SESTD1: variants seen among roughly 807,000 people sequenced by gnomAD.
SESTD1 encodes the protein SEC14 and spectrin domain containing 1.
A neutral mutation model predicts 101.7 loss-of-function variants in SESTD1; 43 were observed. That is an observed-to-expected ratio of 0.42 (90% CI 0.33 to 0.55). The LOEUF is 0.55. SESTD1 is among the 20% of genes least tolerant of loss of function. The probability of loss-of-function intolerance (pLI) is 0.07; values close to 1 mark genes in which losing one functional copy is unlikely to be tolerated. For missense variants in SESTD1, 647 were observed against 815.1 expected (o/e 0.79, Z 2.51); for synonymous variants, 283 against 286.8 (o/e 0.99, Z 0.13).
intron 5 of SESTD1, among the ~76,000 whole-genome samples, chr2:179,161,620 C>T (rs1326268899): frequency 6.6e-6 from 1 of 151,486 alleles, no homozygotes; most frequent in Non-Finnish European, 1.5e-5. Flanking sequence ...CGAGATCACG[C>T]CACTGCATTC....
intron 1 of SESTD1, among the ~76,000 whole-genome samples, chr2:179,222,600 T>C (rs548061843): frequency 6.9e-4 from 105 of 152,314 alleles, no homozygotes; most frequent in African/African-American, 2.4e-3. Flanking sequence ...GAATATTCTT[T>C]CATCCTCATA....
chr2:179,244,282 C>T (rs1574063442), intron 1 of SESTD1, among the ~76,000 whole-genome samples: 2 of 152,066 alleles, frequency 1.3e-5, no homozygotes, highest in East Asian at 3.9e-4. Flanking sequence ...CATGGTGAAA[C>T]CCCGTCTCTT....
intron 1 of SESTD1, among the ~76,000 whole-genome samples, chr2:179,236,749 GT>G (rs71848548): frequency 0.11 from 14,405 of 135,246 alleles, 2,038 homozygotes; most frequent in African/African-American, 0.34. Flanking sequence ...ATCTGATGTA[GT>G]TTTTTTTTTT....
rs201124829 is a variant in SESTD1 at position 179,211,331 on chromosome 2, C to CAA, written c.-25-19467_-25-19466dup. On this transcript the variant is annotated intron_variant, in intron 1 of 17. Transcript: ENST00000428443. The stretch of plus-strand genomic sequence containing the variant: ...AAATCCTAAAATTCATATGGAACAA[C>CAA]AAAAAAAAGAGCCTGCATAGCCAAA... 3.0e-5 allele frequency among the ~76,000 whole-genome samples: 4 copies of CAA among 131,422 alleles called. 1 individual carries two copies. Among genetic ancestry groups the CAA allele is most frequent in the African/African-American group, 1.2e-4 (4 of 32,918 alleles). The allele number at this position is 131,422 out of a possible 152,430, so 86.2% of individuals were successfully genotyped here.
intron 5 of SESTD1, among the ~76,000 whole-genome samples, chr2:179,160,419 A>C (rs1029192056): frequency 6.6e-6 from 1 of 152,098 alleles, no homozygotes. Context: ...TAACACCGTG[A>C]ATTAGAGCAC....
intron 3 of SESTD1, among the ~76,000 whole-genome samples, chr2:179,178,737 C>A (rs1407035857): frequency 6.6e-6 from 1 of 152,148 alleles, no homozygotes; most frequent in Non-Finnish European, 1.5e-5. Context: ...AGGAGAGGGC[C>A]TTCCCACCAA....
At chr2:179,224,872 T>C (rs74458859) in intron 1 of SESTD1, among the ~76,000 whole-genome samples, 4,149 of 152,286 alleles carry the variant, frequency 0.027, 87 homozygotes, top group Non-Finnish European at 0.035. Flanking sequence ...CTCTTCCATG[T>C]GGCTCTTCAT....
chr2:179,212,220 G>A (rs1438371707), intron 1 of SESTD1, among the ~76,000 whole-genome samples: 1 of 134,276 alleles, frequency 7.4e-6, no homozygotes, highest in African/African-American at 3.0e-5. Context: ...AGCGCAAGGG[G>A]CCGGGGGATT....
Position 179,105,137 on chromosome 2 carries a change from C to A in SESTD1, c.*4762G>T, listed in dbSNP as rs1309654006. 6.6e-6 allele frequency: 1 copy of A among 151,432 alleles called. No homozygotes were observed. Among genetic ancestry groups the A allele is most frequent in the African/African-American group, 2.4e-5 (1 of 41,200 alleles). 9.4% of individuals were successfully genotyped at this position (151,432 alleles called of 1,614,324 possible). ...TACCAAGAGACTGCTCCTCTCTAAG[C>A]ATAGCCAGCACTAATTGTGGTCTTT... On this transcript the variant is annotated 3_prime_UTR_variant, in exon 18 of 18. Coordinates refer to ENST00000428443, the MANE Select transcript of SESTD1 (RefSeq NM_178123.5).
chr2:179,143,921 G>T, intron 8 of SESTD1, 118 bp from the exon 9 acceptor site: 3 of 992,022 alleles, frequency 3.0e-6, no homozygotes, highest in South Asian at 1.7e-5. Flanking sequence ...TATCTACCAG[G>T]TTATAAATGG....
intron 13 of SESTD1, among the ~76,000 whole-genome samples, chr2:179,117,894 C>G (rs1015307726): frequency 1.3e-5 from 2 of 152,094 alleles, no homozygotes; most frequent in Admixed American, 1.3e-4. Flanking sequence ...CAATAGTACA[C>G]TAAAACCCAA....
chr2:179,150,545 G>T (rs1057220575), intron 6 of SESTD1, among the ~76,000 whole-genome samples: 1 of 151,672 alleles, frequency 6.6e-6, no homozygotes, highest in African/African-American at 2.4e-5. Context: ...CTGTTGGCTG[G>T]GAGCAGTGGC....
intron 1 of SESTD1, among the ~76,000 whole-genome samples, chr2:179,243,950 A>ATGTG (rs1311403674): frequency 6.8e-6 from 1 of 147,360 alleles, no homozygotes; most frequent in African/African-American, 2.5e-5. Flanking sequence ...GTGTGTATAT[A>ATGTG]TATATATATA....
chr2:179,105,855 A>G lies in SESTD1; in HGVS notation c.*4044T>C, dbSNP rs1257501029. On this transcript the variant is annotated 3_prime_UTR_variant, in exon 18 of 18. Transcript: ENST00000428443. ...TCAAGCTCCAAACACTTTCCATTATATTCATTACAGTTCTTGTTTTAGCTG... is the reference window on the plus strand; with the variant it reads ...TCAAGCTCCAAACACTTTCCATTATGTTCATTACAGTTCTTGTTTTAGCTG... 3.9e-5 allele frequency: 6 copies of G among 152,136 alleles called. No individual in the cohort carries two copies. The highest frequency in any genetic ancestry group is 1.3e-4 in the Admixed American group (2 of 15,268). 9.4% of individuals were successfully genotyped at this position (152,136 alleles called of 1,614,324 possible).
chr2:179,225,307 C>T (rs2046869458), intron 1 of SESTD1, among the ~76,000 whole-genome samples: 1 of 152,050 alleles, frequency 6.6e-6, no homozygotes, highest in African/African-American at 2.4e-5. Flanking sequence ...AAGCCCTACT[C>T]TTAAGCTCTA....
Position 179,104,279 on chromosome 2 carries a change from C to T in SESTD1, c.*5620G>A, listed in dbSNP as rs542675881. ...ATAACTGTCAAAGTGGTATTTCGAT[C>T]CTTTCACCTTTACAAAATACAATAC... On this transcript the variant is annotated 3_prime_UTR_variant, in exon 18 of 18. Coordinates refer to ENST00000428443, the MANE Select transcript of SESTD1 (RefSeq NM_178123.5). 1 of 152,214 alleles carries T rather than the reference C, an allele frequency of 6.6e-6. No individual in the cohort carries two copies. The highest frequency in any genetic ancestry group is 1.9e-4 in the East Asian group (1 of 5,186). The allele number at this position is 152,214 out of a possible 1,614,324, so 9.4% of individuals were successfully genotyped here.
At chr2:179,147,418 G>A (rs1463074342) in intron 7 of SESTD1, among the ~76,000 whole-genome samples, 1 of 150,732 alleles carries the variant, frequency 6.6e-6, no homozygotes, top group Non-Finnish European at 1.5e-5. Flanking sequence ...CTAGAGTGCA[G>A]TGGCGTGATC....
chr2:179,112,584 T>C (rs935800829), intron 17 of SESTD1, 140 bp downstream of exon 17: 19 of 1,038,024 alleles, frequency 1.8e-5, no homozygotes, highest in Non-Finnish European at 2.4e-5. Flanking sequence ...CTTTTCATTT[T>C]AAACTAATTC....
At chr2:179,141,437 G>A (rs1402899655) in intron 9 of SESTD1, among the ~76,000 whole-genome samples, 1 of 151,926 alleles carries the variant, frequency 6.6e-6, no homozygotes, top group Non-Finnish European at 1.5e-5. Context: ...TATCTCCCAT[G>A]AAGCAAGAAC....
Sources: allele counts gnomAD v4.1 joint callset (sites outside exome capture counted in the v4.1 genomes callset), GRCh38; gene constraint gnomAD v4.1.1; transcripts MANE v1.5; gene names NCBI Gene and HGNC (gene_info 2026-07-23, HGNC 2026-07-21).